Variants in ZDHHC20 observed in about 807,000 individuals in gnomAD.
The protein encoded by ZDHHC20 is palmitoyltransferase ZDHHC20.
ZDHHC20 carries 43 observed loss-of-function variants against 57.8 expected under a neutral mutation model. That is an observed-to-expected ratio of 0.74 (90% CI 0.58 to 0.96). The LOEUF (loss-of-function observed/expected upper bound fraction) is 0.96, where lower values mean the gene tolerates loss of function less well. Ranked by LOEUF, ZDHHC20 falls within the 40% of genes least tolerant of loss-of-function variation. The pLI is 0.00. For missense variants in ZDHHC20, 391 were observed against 441.1 expected, an observed-to-expected ratio of 0.89 and a Z score of 1.02; for synonymous variants, 157 against 153.0, an observed-to-expected ratio of 1.03 and a Z score of -0.19.
intron 11 of ZDHHC20, 117 bp downstream of exon 11, chr13:21,381,317 G>A: frequency 1.1e-6 from 1 of 907,270 alleles, no homozygotes; most frequent in East Asian, 2.7e-5. Flanking sequence ...ATATTTAAAA[G>A]TTTCACATAT....
chr13:21,442,558 CA>C (rs1460669931), intron 1 of ZDHHC20, among the ~76,000 whole-genome samples: 2 of 152,070 alleles, frequency 1.3e-5, no homozygotes, highest in Non-Finnish European at 2.9e-5. Context: ...AGTTCAAGAC[CA>C]GCCTGGCCAA....
intron 4 of ZDHHC20, among the ~76,000 whole-genome samples, chr13:21,408,567 T>C (rs1363681468): frequency 6.6e-6 from 1 of 152,168 alleles, no homozygotes; most frequent in Non-Finnish European, 1.5e-5. Flanking sequence ...GCACAGATAA[T>C]TTGACTTCCT....
At position 21,455,571 on chromosome 13, in the gene ZDHHC20, G is replaced by T. The variant is rs558250116; in HGVS notation, c.118+3483C>A. 7.2e-5 allele frequency among the ~76,000 whole-genome samples: 11 copies of T among 152,080 alleles called. No individual in the cohort carries two copies. In the South Asian group the frequency reaches 2.3e-3, roughly 32 times the overall value. ...TCTCAGCTTATCACTCCTGTGAGAT[G>T]GCCGTTTTACATGCATTACCCTCTT... On this transcript the variant is annotated intron_variant, in intron 1 of 12. Transcript: ENST00000400590.
chr13:21,414,357 C>T (rs984387635), intron 3 of ZDHHC20, among the ~76,000 whole-genome samples: 2 of 150,348 alleles, frequency 1.3e-5, no homozygotes, highest in Non-Finnish European at 3.0e-5. Context: ...CCTTTATAGA[C>T]CTTTTTTTTT....
In ZDHHC20 at chr13:21,427,825, ACT is replaced by A. The variant is rs533341249; in HGVS notation, c.119-2149_119-2148del. On this transcript the variant is annotated intron_variant, in intron 1 of 12. Coordinates refer to ENST00000400590, the MANE Select transcript of ZDHHC20 (RefSeq NM_001330059.2). ...ACTCCAGCCTGGACAACAGAACTAG[ACT>A]CTGTTTCAAAAAAAAAAAAAAAAAA... Among the ~76,000 whole-genome samples the A allele has an allele frequency of 1.4e-3, 157 of 112,790 alleles. 2 individuals are homozygous for A. In the South Asian group the frequency reaches 0.044, roughly 32 times the overall value. 74.0% of individuals were successfully genotyped at this position (112,790 alleles called of 152,430 possible). A position where few individuals can be genotyped will look rare whatever the true frequency, so the allele number is the denominator to read the frequency against.
At chr13:21,379,434 A>G (rs914123480) in intron 11 of ZDHHC20, among the ~76,000 whole-genome samples, 13 of 152,206 alleles carry the variant, frequency 8.5e-5, no homozygotes, top group African/African-American at 2.4e-4. Context: ...GACACATGCT[A>G]TCAGGCCTAG....
chr13:21,427,999 C>T (rs1316431485), intron 1 of ZDHHC20, among the ~76,000 whole-genome samples: 3 of 152,066 alleles, frequency 2.0e-5, no homozygotes, highest in Admixed American at 2.0e-4. Flanking sequence ...TACTGGTTTA[C>T]AGTTCATAGT....
At chr13:21,447,955 G>C (rs1883944341) in intron 1 of ZDHHC20, among the ~76,000 whole-genome samples, 1 of 111,308 alleles carries the variant, frequency 9.0e-6, no homozygotes, top group African/African-American at 3.2e-5. Context: ...GATGTGAGGA[G>C]CGCCTCTGCC....
chr13:21,378,768 C>CAAAAA (rs751093398), intron 11 of ZDHHC20, 30 bp from the exon 12 acceptor site: 25 of 688,828 alleles, frequency 3.6e-5, no homozygotes, highest in East Asian at 1.5e-4. Flanking sequence ...TATGACATGA[C>CAAAAA]AAAAAAAAAA....
intron 11 of ZDHHC20, among the ~76,000 whole-genome samples, chr13:21,379,479 G>C (rs111486147): frequency 6.6e-6 from 1 of 152,076 alleles, no homozygotes; most frequent in African/African-American, 2.4e-5. Flanking sequence ...GTAGAGATAG[G>C]CTATATGGCC....
At chr13:21,418,291 TAGG>T (rs1451363488) in intron 3 of ZDHHC20, among the ~76,000 whole-genome samples, 2 of 152,080 alleles carry the variant, frequency 1.3e-5, no homozygotes, top group Admixed American at 6.6e-5. Flanking sequence ...GATGACCTTA[TAGG>T]AGTAGAGGAG....
chr13:21,437,851 C>T (rs1224351311), intron 1 of ZDHHC20, among the ~76,000 whole-genome samples: 1 of 152,118 alleles, frequency 6.6e-6, no homozygotes, highest in Non-Finnish European at 1.5e-5. Context: ...GCCACCACGC[C>T]TGGCTAATTT....
chr13:21,430,577 T>A (rs1210141864), intron 1 of ZDHHC20, among the ~76,000 whole-genome samples: 1 of 151,850 alleles, frequency 6.6e-6, no homozygotes, highest in Admixed American at 6.6e-5. Flanking sequence ...TCTTTGCTGG[T>A]GAGAGTGGGG....
intron 7 of ZDHHC20, among the ~76,000 whole-genome samples, chr13:21,395,355 C>G (rs1380394315): frequency 6.6e-6 from 1 of 151,728 alleles, no homozygotes; most frequent in East Asian, 1.9e-4. Flanking sequence ...TGTAAGCCAC[C>G]GCGCCCGGCC....
At chr13:21,446,645 C>T (rs1284643243) in intron 1 of ZDHHC20, among the ~76,000 whole-genome samples, 3 of 152,118 alleles carry the variant, frequency 2.0e-5, no homozygotes, top group Admixed American at 6.5e-5. Flanking sequence ...AAACTAGTCA[C>T]CTTTATTCTT....
At chr13:21,422,304 A>C (rs1211209959) in intron 2 of ZDHHC20, among the ~76,000 whole-genome samples, 1 of 151,890 alleles carries the variant, frequency 6.6e-6, no homozygotes, top group Non-Finnish European at 1.5e-5. Context: ...AATGTAAGGA[A>C]GCTTTTGTAA....
At chr13:21,448,739 G>A (rs1335068551) in intron 1 of ZDHHC20, among the ~76,000 whole-genome samples, 60 of 97,022 alleles carry the variant, frequency 6.2e-4, no homozygotes, top group African/African-American at 1.8e-3. Context: ...CATTGAGAAC[G>A]GGCCAGGATG....
rs184271190 is a variant in ZDHHC20 at position 21,376,448 on chromosome 13, G to A, written c.*248C>T. ...TCCAGAATAACATTAAGTCACTTTT[G>A]TAGCTCTAAGTCAATGCTGCACAAA... is the stretch of plus-strand genomic sequence containing the variant. On this transcript the variant is annotated 3_prime_UTR_variant, in exon 13 of 13. Transcript: ENST00000400590. 5.1e-4 allele frequency: 177 copies of A among 345,410 alleles called. 1 individual carries two copies. Among genetic ancestry groups the A allele is most frequent in the Admixed American group, 2.0e-4 (4 of 19,988 alleles). The allele number at this position is 345,410 out of a possible 1,614,324, so 21.4% of individuals were successfully genotyped here.
chr13:21,431,577 C>T (rs894454911), intron 1 of ZDHHC20, among the ~76,000 whole-genome samples: 1 of 152,218 alleles, frequency 6.6e-6, no homozygotes, highest in Non-Finnish European at 1.5e-5. Context: ...CTGTATTTGG[C>T]ACAAAGTGTT....
Sources: allele counts gnomAD v4.1 joint callset (sites outside exome capture counted in the v4.1 genomes callset), GRCh38; gene constraint gnomAD v4.1.1; transcripts MANE v1.5; gene names NCBI Gene and HGNC (gene_info 2026-07-23, HGNC 2026-07-21).